The following CCDC66 variants were observed in gnomAD, a reference collection of about 807,000 sequenced individuals.
CCDC66 encodes coiled-coil domain containing 66.
CCDC66 carries 133 observed loss-of-function variants against 128.3 expected under a neutral mutation model. That is an observed-to-expected ratio of 1.04 (90% CI 0.90 to 1.20). CCDC66 has a LOEUF of 1.20. Ranked by LOEUF, CCDC66 falls within the 50% of genes most tolerant of loss-of-function variation. The pLI, the probability that CCDC66 is intolerant of heterozygous loss-of-function variation, is 0.00. For missense variants in CCDC66, 1,126 were observed against 1,075.5 expected (o/e 1.05, Z -0.66); for synonymous variants, 387 against 357.0 (o/e 1.08, Z -0.95).
At chr3:56,591,764 TA>T (rs1261488426) in intron 7 of CCDC66, among the ~76,000 whole-genome samples, 2 of 152,234 alleles carry the variant, frequency 1.3e-5, no homozygotes, top group Non-Finnish European at 1.5e-5. Context: ...GAAGGATCTT[TA>T]CTTTTTGTAT....
Position 56,593,560 on chromosome 3 carries a change from C to T in CCDC66, c.1138C>T (p.Leu380=), listed in dbSNP as rs2071321043. 1.2e-6 allele frequency: 2 copies of T among 1,614,042 alleles called. No homozygotes were observed. Among genetic ancestry groups the T allele is most frequent in the Non-Finnish European group, 8.5e-7 (1 of 1,179,924 alleles). Residue 380 remains leucine, a synonymous_variant, in exon 9 of 18, where the codon CTG becomes TTG. Coordinates refer to ENST00000394672, the MANE Select transcript of CCDC66 (RefSeq NM_001141947.3). The stretch of plus-strand genomic sequence containing the variant: ...GAGTTATCCTGGTTCTCAATCTCAG[C>T]TGTTCTCTCAGTCAACACACAAACA... ...LKSYPGSQSQ[L]FSQSTHKQPE... is the part of the protein sequence containing the mutation.
intron 10 of CCDC66, among the ~76,000 whole-genome samples, chr3:56,605,792 G>A (rs1036388772): frequency 2.0e-5 from 3 of 152,062 alleles, no homozygotes; most frequent in Non-Finnish European, 2.9e-5. Context: ...AGTAGAGCTC[G>A]AATGCTGTGC....
At chr3:56,611,941 C>T (rs928403723) in intron 10 of CCDC66, among the ~76,000 whole-genome samples, 3 of 152,160 alleles carry the variant, frequency 2.0e-5, no homozygotes, top group African/African-American at 7.2e-5. Flanking sequence ...GGGTGTCTCC[C>T]AGCTCCTGCA....
intron 7 of CCDC66, among the ~76,000 whole-genome samples, chr3:56,590,636 G>A (rs1377739993): frequency 1.3e-5 from 2 of 152,026 alleles, no homozygotes; most frequent in African/African-American, 4.8e-5. Context: ...GTGTGCATCT[G>A]TAGTCCCAGC....
rs769236775 is a variant in CCDC66 at position 56,557,232 on chromosome 3, G to T, written c.-11G>T. On this transcript the variant is annotated 5_prime_UTR_variant, in exon 1 of 18. Transcript: ENST00000394672. ...CTTGAGCGTTCTGTGGAGAGAGTGCGAGGTCAGGCCATGAACTTGGGGTAA... is the reference window on the plus strand; with the variant it reads ...CTTGAGCGTTCTGTGGAGAGAGTGCTAGGTCAGGCCATGAACTTGGGGTAA... 11 of 1,534,682 alleles carry T rather than the reference G, an allele frequency of 7.2e-6. No homozygotes were observed. In the South Asian group the frequency reaches 1.1e-4, roughly 15 times the overall value.
chr3:56,613,571 G>C lies in CCDC66; in HGVS notation c.1405-18G>C. 1.9e-6 allele frequency: 3 copies of C among 1,602,956 alleles called. No individual in the cohort carries two copies. The highest frequency in any genetic ancestry group is 2.5e-6 in the Non-Finnish European group (3 of 1,176,688). On this transcript the variant is annotated intron_variant, in intron 10 of 17. Transcript: ENST00000394672. The stretch of plus-strand genomic sequence containing the variant: ...ATTTTTATTTTTGACAATGATTTAC[G>C]TGATTGCTTATGACTAGAAAGCCAT...
chr3:56,560,934 A>T (rs768173416), intron 3 of CCDC66: 2 of 456,526 alleles, frequency 4.4e-6, no homozygotes, highest in Non-Finnish European at 8.8e-6. Context: ...TTCAACTCTA[A>T]GCCCTTGATG....
intron 10 of CCDC66, among the ~76,000 whole-genome samples, chr3:56,594,263 A>T (rs2071449871): frequency 6.6e-6 from 1 of 150,496 alleles, no homozygotes; most frequent in South Asian, 2.1e-4. Context: ...TAAGTTGTAT[A>T]TGTGAATTTG....
intron 15 of CCDC66, chr3:56,618,587 AG>A (rs1406288132): frequency 2.6e-5 from 5 of 192,142 alleles, no homozygotes; most frequent in South Asian, 1.7e-4. Flanking sequence ...AGTTAATGAG[AG>A]ATTTAGAACC....
At chr3:56,575,170 T>C (rs1298848181) in intron 7 of CCDC66, among the ~76,000 whole-genome samples, 2 of 151,884 alleles carry the variant, frequency 1.3e-5, no homozygotes, top group Admixed American at 1.3e-4. Context: ...AAATTTTGTG[T>C]TAAACTGCTT....
At chr3:56,559,352 A>G (rs1365673607) in intron 2 of CCDC66, among the ~76,000 whole-genome samples, 1 of 151,978 alleles carries the variant, frequency 6.6e-6, no homozygotes, top group Non-Finnish European at 1.5e-5. Flanking sequence ...TTTTCTGTTT[A>G]TAGTTTTACC....
chr3:56,599,054 C>G (rs1393076523), intron 10 of CCDC66, among the ~76,000 whole-genome samples: 2 of 151,854 alleles, frequency 1.3e-5, no homozygotes, highest in Admixed American at 6.6e-5. Context: ...CCTGGACTTT[C>G]CTTTGTTGGG....
intron 16 of CCDC66, 81 bp downstream of exon 16, chr3:56,619,608 T>C: frequency 1.3e-6 from 2 of 1,505,612 alleles, no homozygotes; most frequent in Non-Finnish European, 1.8e-6. Flanking sequence ...TCCAAATTAG[T>C]AATTCCTGCA....
chr3:56,606,212 T>A (rs1023766157), intron 10 of CCDC66, among the ~76,000 whole-genome samples: 5 of 152,074 alleles, frequency 3.3e-5, no homozygotes, highest in Admixed American at 3.3e-4. Context: ...CTGAGCTCCC[T>A]GGGGATAGGA....
At chr3:56,605,488 C>T (rs943934525) in intron 10 of CCDC66, among the ~76,000 whole-genome samples, 6 of 152,036 alleles carry the variant, frequency 3.9e-5, no homozygotes, top group African/African-American at 1.2e-4. Context: ...TGATGCTAAT[C>T]CTTTCTGTTT....
In CCDC66 at chr3:56,597,511, G is replaced by T. The variant is rs538576067; in HGVS notation, c.1404+3483G>T. ...ATAATTCTTCTGATCCATGAACATG[G>T]GATGTCTTGCCATTTGTTTGTATCC... On this transcript the variant is annotated intron_variant, in intron 10 of 17. Transcript: ENST00000394672. Among the ~76,000 whole-genome samples the T allele has an allele frequency of 2.6e-5, 4 of 151,966 alleles. No individual in the cohort carries two copies. The South Asian group carries it at 8.3e-4, about 32-fold the overall frequency.
chr3:56,602,131 TA>T (rs2073277311), intron 10 of CCDC66, among the ~76,000 whole-genome samples: 1 of 151,970 alleles, frequency 6.6e-6, no homozygotes, highest in African/African-American at 2.4e-5. Context: ...TTATTATTTT[TA>T]GATACGTTCC....
chr3:56,561,131 T>C, intron 3 of CCDC66: 1 of 443,604 alleles, frequency 2.3e-6, no homozygotes, highest in Non-Finnish European at 4.5e-6. Context: ...ATGTTATTCC[T>C]ACCCCTTTCC....
chr3:56,603,251 G>A (rs922806393), intron 10 of CCDC66, among the ~76,000 whole-genome samples: 33 of 151,898 alleles, frequency 2.2e-4, no homozygotes, highest in African/African-American at 8.0e-4. Flanking sequence ...TGGATTCATT[G>A]ATTTTTTTTG....
Sources: gnomAD v4.1 joint callset for allele counts (sites outside exome capture counted in the v4.1 genomes callset) on GRCh38, gnomAD v4.1.1 for gene constraint, MANE v1.5 for transcripts, NCBI Gene and HGNC (gene_info 2026-07-23, HGNC 2026-07-21) for gene names.